Variants in CCSER1 observed in about 807,000 individuals in gnomAD.
The protein encoded by CCSER1 is coiled-coil serine rich protein 1.
A neutral mutation model predicts 82.0 loss-of-function variants in CCSER1; 41 were observed. The ratio of observed to expected loss-of-function variants is 0.50; its 90% confidence interval spans 0.39 to 0.65. The LOEUF is 0.65. Among genes scored for constraint, CCSER1 ranks in the 30% least tolerant of loss-of-function variants. The pLI is 0.00. For missense variants in CCSER1, 1,119 were observed against 1,064.2 expected (o/e 1.05, Z -0.72); for synonymous variants, 414 against 383.9 (o/e 1.08, Z -0.92).
intron 10 of CCSER1, among the ~76,000 whole-genome samples, chr4:91,458,091 G>A (rs1232855920): frequency 6.6e-6 from 1 of 152,128 alleles, no homozygotes; most frequent in East Asian, 1.9e-4. Flanking sequence ...CCAATGTCCT[G>A]AAGTAGTTCT....
At chr4:90,702,372 G>C (rs1430155980) in intron 6 of CCSER1, among the ~76,000 whole-genome samples, 3 of 152,136 alleles carry the variant, frequency 2.0e-5, no homozygotes, top group Non-Finnish European at 4.4e-5. Context: ...GATTCAGTTT[G>C]CCAGTATTTT....
chr4:90,803,287 T>G (rs1757059406), intron 7 of CCSER1, among the ~76,000 whole-genome samples: 1 of 152,180 alleles, frequency 6.6e-6, no homozygotes, highest in Non-Finnish European at 1.5e-5. Flanking sequence ...CAGGTATACA[T>G]GTGCCACAGT....
rs71596543 is a variant in CCSER1, at chr4:91,000,195, CATAGT to C, written c.2172+76768_2172+76772del. Reference sequence around the variant, plus strand: ...ATAGTATAGGTTATATAGGCTAATGCATAGTATAGTATAGTATAGTATAGGTATAG... The same window carrying C: ...ATAGTATAGGTTATATAGGCTAATGCATAGTATAGTATAGTATAGGTATAG... On this transcript the variant is annotated intron_variant, in intron 9 of 10. Transcript: ENST00000509176. Among the ~76,000 whole-genome samples, 893 of 145,870 alleles carry C rather than the reference CATAGT, an allele frequency of 6.1e-3. 3 individuals are homozygous for C. Among genetic ancestry groups the C allele is most frequent in the Middle Eastern group, 0.018 (5 of 280 alleles).
intron 10 of CCSER1, among the ~76,000 whole-genome samples, chr4:91,419,338 T>C (rs1038837865): frequency 6.6e-6 from 1 of 152,026 alleles, no homozygotes; most frequent in African/African-American, 2.4e-5. Flanking sequence ...CCCTGAAAAT[T>C]CAGTAAAAAC....
chr4:91,160,846 G>A (rs188817786), intron 10 of CCSER1, among the ~76,000 whole-genome samples: 45 of 152,164 alleles, frequency 3.0e-4, no homozygotes, highest in Admixed American at 1.1e-3. Context: ...TTCCAATTCT[G>A]TAGGTTGCCT....
chr4:90,558,670 C>A (rs1033043636), intron 5 of CCSER1, among the ~76,000 whole-genome samples: 10 of 152,070 alleles, frequency 6.6e-5, no homozygotes, highest in Non-Finnish European at 1.3e-4. Flanking sequence ...TAATCAGTAT[C>A]TTTGTCTGAA....
chr4:91,206,528 A>G (rs890877429), intron 10 of CCSER1, among the ~76,000 whole-genome samples: 1 of 151,966 alleles, frequency 6.6e-6, no homozygotes, highest in South Asian at 2.1e-4. Context: ...TGTATTGAAT[A>G]CAATTACAAC....
intron 10 of CCSER1, among the ~76,000 whole-genome samples, chr4:91,508,162 G>GTTTTTTTTTTTTT (rs139066436): frequency 1.0e-5 from 1 of 97,654 alleles, no homozygotes; most frequent in Non-Finnish European, 1.9e-5. Context: ...TTTTTTCTGG[G>GTTTTTTTTTTTTT]TTTTTTTTTT....
intron 6 of CCSER1, among the ~76,000 whole-genome samples, chr4:90,654,845 T>C (rs1265570500): frequency 3.3e-5 from 5 of 152,094 alleles, no homozygotes; most frequent in Non-Finnish European, 7.4e-5. Context: ...ATGCTGGCTA[T>C]ATAATAAATT....
intron 3 of CCSER1, among the ~76,000 whole-genome samples, chr4:90,337,375 C>A (rs533859709): frequency 6.6e-6 from 1 of 152,208 alleles, no homozygotes; most frequent in East Asian, 1.9e-4. Context: ...AGAGCTGAGG[C>A]CAAGTCGTGA....
At chr4:90,987,266 C>T (rs1736651351) in intron 9 of CCSER1, among the ~76,000 whole-genome samples, 1 of 150,688 alleles carries the variant, frequency 6.6e-6, no homozygotes, top group South Asian at 2.1e-4. Flanking sequence ...CAGTGTCTTC[C>T]CTTTTTTATT....
chr4:90,492,815 G>A (rs989559215), intron 5 of CCSER1, among the ~76,000 whole-genome samples: 1 of 152,138 alleles, frequency 6.6e-6, no homozygotes, highest in Non-Finnish European at 1.5e-5. Flanking sequence ...CAGTTTCCAT[G>A]TAGCTGAGCA....
At chr4:90,617,051 T>G (rs62314383) in intron 5 of CCSER1, among the ~76,000 whole-genome samples, 98 of 152,300 alleles carry the variant, frequency 6.4e-4, no homozygotes, top group Non-Finnish European at 9.1e-4. Context: ...TTAAAATATC[T>G]CTAAAGGTGA....
rs186490721 is a variant in CCSER1, at chr4:90,824,070, T to C, written c.2094+8225T>C. On this transcript the variant is annotated intron_variant, in intron 8 of 10. Transcript: ENST00000509176. ...GGCATCCATTATAATAGATACATCA[T>C]TGAGTTGAACACTTTTTCCTCCCGT... 3.4e-3 allele frequency among the ~76,000 whole-genome samples: 512 copies of C among 152,146 alleles called. 1 individual carries two copies. The highest frequency in any genetic ancestry group is 6.8e-3 in the Middle Eastern group (2 of 294).
At chr4:90,625,538 T>C (rs940400990) in intron 5 of CCSER1, among the ~76,000 whole-genome samples, 2 of 152,154 alleles carry the variant, frequency 1.3e-5, no homozygotes, top group Non-Finnish European at 2.9e-5. Context: ...GATCTATTTT[T>C]TCATGTAGAG....
Position 91,040,846 on chromosome 4 carries a change from T to A in CCSER1, c.2173-45104T>A, listed in dbSNP as rs550183202. ...TTTGCCCTTTCTACCTGGGAGCTCC[T>A]AAAGGTATTTAAAAGAGATGAGAGA... On this transcript the variant is annotated intron_variant, in intron 9 of 10. Transcript: ENST00000509176. Among the ~76,000 whole-genome samples, 5 of 152,254 alleles carry A rather than the reference T, an allele frequency of 3.3e-5. No individual in the cohort carries two copies. The South Asian group carries it at 1.0e-3, about 32-fold the overall frequency.
intron 1 of CCSER1, among the ~76,000 whole-genome samples, chr4:90,225,937 T>A (rs1743081738): frequency 6.6e-6 from 1 of 152,192 alleles, no homozygotes; most frequent in African/African-American, 2.4e-5. Context: ...ACTAATAGAA[T>A]GTGGTATAAG....
intron 7 of CCSER1, among the ~76,000 whole-genome samples, chr4:90,731,900 A>T (rs1744807511): frequency 6.6e-6 from 1 of 152,142 alleles, no homozygotes. Context: ...GTGAGGTTTT[A>T]AAGTGGGTAC....
At chr4:91,457,694 G>A (rs1466480776) in intron 10 of CCSER1, among the ~76,000 whole-genome samples, 1 of 151,684 alleles carries the variant, frequency 6.6e-6, no homozygotes, top group Non-Finnish European at 1.5e-5. Context: ...TAAAATAATT[G>A]TTTTACTTGA....
Sources: allele counts gnomAD v4.1 joint callset (sites outside exome capture counted in the v4.1 genomes callset), GRCh38; gene constraint gnomAD v4.1.1; transcripts MANE v1.5; gene names NCBI Gene and HGNC (gene_info 2026-07-23, HGNC 2026-07-21).